Variants in MRPL47 observed in about 807,000 individuals in gnomAD.
The protein encoded by MRPL47 is mitochondrial ribosomal protein L47, also known as large ribosomal subunit protein uL29m.
In MRPL47, 31 loss-of-function variants were observed where a neutral mutation model predicts 34.0. The observed-to-expected ratio is 0.91, with a 90% CI of 0.68 to 1.23. MRPL47 has a LOEUF of 1.23. Among genes scored for constraint, MRPL47 ranks in the 50% most tolerant of loss-of-function variants. The pLI, the probability that MRPL47 is intolerant of heterozygous loss-of-function variation, is 0.00. For missense variants in MRPL47, 328 were observed against 285.8 expected, an observed-to-expected ratio of 1.15 and a Z score of -1.07; for synonymous variants, 106 against 101.6, an observed-to-expected ratio of 1.04 and a Z score of -0.26.
At chr3:179,595,470 A>G (rs1258852990) in intron 4 of MRPL47, among the ~76,000 whole-genome samples, 1 of 152,258 alleles carries the variant, frequency 6.6e-6, no homozygotes, top group East Asian at 1.9e-4. Flanking sequence ...TCCCTGAAAA[A>G]GAAATGATGA....
At chr3:179,598,423 C>CACACACACACAA in intron 4 of MRPL47, among the ~76,000 whole-genome samples, 1 of 137,226 alleles carries the variant, frequency 7.3e-6, no homozygotes, top group African/African-American at 2.9e-5. Context: ...CACACACACA[C>CACACACACACAA]ACAAACAAAA....
rs778910541 is a variant in MRPL47, at chr3:179,588,947, T to C, written c.678A>G (p.Leu226=). The C allele has an allele frequency of 6.2e-7, 1 of 1,613,772 alleles. No homozygotes were observed. Among genetic ancestry groups the C allele is most frequent in the Admixed American group, 1.7e-5 (1 of 60,004 alleles). The change falls in exon 7 of 7, where the codon TTA becomes TTG. Residue 226 remains leucine (L), a synonymous_variant. Coordinates refer to ENST00000476781, the MANE Select transcript of MRPL47 (RefSeq NM_020409.3). ...AAAGAATTTTTGCTTTCTTTCTCTC[T>C]AAATTTTCCTTCCGTGCTTTGATGC... ...RARIKARKEN[L]ERKKAKILLK... is the part of the protein sequence containing the mutation.
chr3:179,591,811 A>C (rs576186296), intron 6 of MRPL47, among the ~76,000 whole-genome samples: 1 of 152,126 alleles, frequency 6.6e-6, no homozygotes, highest in Admixed American at 6.6e-5. Flanking sequence ...TACATACTAC[A>C]ATGTTAACAG....
chr3:179,592,256 G>A (rs899403161), intron 6 of MRPL47, among the ~76,000 whole-genome samples: 5 of 152,098 alleles, frequency 3.3e-5, no homozygotes, highest in East Asian at 1.9e-4. Context: ...GTGCAGTGGC[G>A]CGATCTCTGC....
intron 4 of MRPL47, among the ~76,000 whole-genome samples, chr3:179,594,218 A>G (rs1718741611): frequency 6.6e-6 from 1 of 152,248 alleles, no homozygotes. Flanking sequence ...CAATGAGCTA[A>G]TAAGAAGTGA....
At chr3:179,603,700 G>A (rs1214563362) in intron 1 of MRPL47, among the ~76,000 whole-genome samples, 1 of 152,146 alleles carries the variant, frequency 6.6e-6, no homozygotes, top group Non-Finnish European at 1.5e-5. Context: ...CACTATATAG[G>A]ATGTCAAGTT....
At chr3:179,590,941 G>A (rs1013590756) in intron 6 of MRPL47, among the ~76,000 whole-genome samples, 4 of 152,280 alleles carry the variant, frequency 2.6e-5, no homozygotes, top group Admixed American at 6.5e-5. Context: ...TAGACTGGAT[G>A]TACTACAGAT....
chr3:179,600,906 C>T (rs933904490), intron 3 of MRPL47, among the ~76,000 whole-genome samples: 1 of 152,130 alleles, frequency 6.6e-6, no homozygotes, highest in Non-Finnish European at 1.5e-5. Flanking sequence ...ATTTAAAAAA[C>T]AATTACAGTC....
Position 179,602,603 on chromosome 3 carries a change from G to A in MRPL47, c.244+49C>T, listed in dbSNP as rs768901821. On this transcript the variant is annotated intron_variant, in intron 2 of 6. Coordinates refer to ENST00000476781, the MANE Select transcript of MRPL47 (RefSeq NM_020409.3). Reference sequence around the variant, plus strand: ...AGAACGATGGTTGGGCGGGGCGGGGGGGGGGGTTCCATAAATATATCTAAT... The same window carrying A: ...AGAACGATGGTTGGGCGGGGCGGGGAGGGGGGTTCCATAAATATATCTAAT... 1.6e-5 allele frequency: 14 copies of A among 849,262 alleles called. 1 individual carries two copies. Among genetic ancestry groups the A allele is most frequent in the East Asian group, 7.4e-5 (2 of 27,058 alleles). 52.6% of individuals were successfully genotyped at this position (849,262 alleles called of 1,614,324 possible). A position where few individuals can be genotyped will look rare whatever the true frequency, so the allele number is the denominator to read the frequency against.
intron 6 of MRPL47, 101 bp from the exon 7 acceptor site, chr3:179,589,096 A>G: frequency 8.7e-7 from 1 of 1,152,374 alleles, no homozygotes. Context: ...AGCTTCAAAC[A>G]TGCCAGTCCC....
At chr3:179,592,057 T>C (rs2879606) in intron 6 of MRPL47, among the ~76,000 whole-genome samples, 1,690 of 152,304 alleles carry the variant, frequency 0.011, 29 homozygotes, top group African/African-American at 0.032. Context: ...GTTCTCAAAC[T>C]CCTGACCTCA....
intron 6 of MRPL47, 52 bp from the exon 7 acceptor site, chr3:179,589,047 T>C (rs1250784519): frequency 2.0e-6 from 3 of 1,536,576 alleles, no homozygotes; most frequent in South Asian, 1.2e-5. Context: ...TTCCTTGTTA[T>C]TCAATACTAT....
intron 1 of MRPL47, among the ~76,000 whole-genome samples, chr3:179,603,253 T>C (rs1718972374): frequency 6.6e-6 from 1 of 152,086 alleles, no homozygotes; most frequent in Admixed American, 6.6e-5. Flanking sequence ...TTGCAACATG[T>C]GGGCTGGGCA....
intron 5 of MRPL47, 60 bp downstream of exon 5, chr3:179,593,704 AG>A (rs1454206258): frequency 1.9e-5 from 28 of 1,496,874 alleles, no homozygotes; most frequent in Non-Finnish European, 2.4e-5. Flanking sequence ...GATATTGGGC[AG>A]GGGAATGAGG....
At chr3:179,593,689 TA>T in intron 5 of MRPL47, 75 bp downstream of exon 5, 1 of 1,393,260 alleles carries the variant, frequency 7.2e-7, no homozygotes, top group South Asian at 1.6e-5. Context: ...AATTTTTTTT[TA>T]AAAGATATTG....
At chr3:179,591,271 C>T (rs1032895034) in intron 6 of MRPL47, among the ~76,000 whole-genome samples, 13 of 152,288 alleles carry the variant, frequency 8.5e-5, no homozygotes, top group African/African-American at 1.4e-4. Flanking sequence ...AGGAGCCCTT[C>T]GGTTCCTCTG....
In MRPL47 at chr3:179,604,626, T is replaced by C. The variant is rs201335214; in HGVS notation, c.-2A>G. ...AAGGGCCAAACCGGCCGCAGCCATG[T>C]TTTCGCATAACTGGCAAAACGCGTT... is the stretch of plus-strand genomic sequence containing the variant. On this transcript the variant is annotated 5_prime_UTR_variant, in exon 1 of 7. Coordinates refer to ENST00000476781, the MANE Select transcript of MRPL47 (RefSeq NM_020409.3). 2 of 1,614,140 alleles carry C rather than the reference T, an allele frequency of 1.2e-6. No individual in the cohort carries two copies. The highest frequency in any genetic ancestry group is 2.2e-5 in the East Asian group (1 of 44,882).
chr3:179,602,131 G>A (rs1229767818), intron 2 of MRPL47, among the ~76,000 whole-genome samples: 1 of 152,180 alleles, frequency 6.6e-6, no homozygotes, highest in African/African-American at 2.4e-5. Context: ...CATCACCTGA[G>A]TTTGGGAGTT....
intron 4 of MRPL47, among the ~76,000 whole-genome samples, chr3:179,597,169 T>G (rs924160837): frequency 6.6e-6 from 1 of 152,174 alleles, no homozygotes; most frequent in African/African-American, 2.4e-5. Context: ...TTTCTGTGAG[T>G]CTAATATTAT....
Sources: allele counts gnomAD v4.1 joint callset (sites outside exome capture counted in the v4.1 genomes callset), GRCh38; gene constraint gnomAD v4.1.1; transcripts MANE v1.5; gene names NCBI Gene and HGNC (gene_info 2026-07-23, HGNC 2026-07-21).